The following ZNF445 variants were observed in gnomAD, a reference collection of about 807,000 sequenced individuals.
ZNF445 encodes zinc finger protein 168.
In ZNF445, 19 loss-of-function variants were observed where a neutral mutation model predicts 93.9. That is an observed-to-expected ratio of 0.20 (90% CI 0.14 to 0.30). The LOEUF (loss-of-function observed/expected upper bound fraction) is 0.30, where lower values mean the gene tolerates loss of function less well. Among genes scored for constraint, ZNF445 ranks in the 10% least tolerant of loss-of-function variants. The pLI is 1.00. For missense variants in ZNF445, 1,058 were observed against 1,259.4 expected (o/e 0.84, Z 2.42); for synonymous variants, 449 against 446.3 (o/e 1.01, Z -0.08).
At chr3:44,470,744 T>C (rs1698257353) in intron 1 of ZNF445, among the ~76,000 whole-genome samples, 2 of 152,180 alleles carry the variant, frequency 1.3e-5, no homozygotes, top group Admixed American at 6.5e-5. Flanking sequence ...ATTACATTTA[T>C]AAACAGCAAA....
Position 44,469,250 on chromosome 3 carries a change from C to T in ZNF445, c.-269+8341G>A, listed in dbSNP as rs149171085. On this transcript the variant is annotated intron_variant, in intron 1 of 7. Coordinates refer to ENST00000396077, the MANE Select transcript of ZNF445 (RefSeq NM_181489.6). ...GAAAAGACACCACCCCCACCAAGCT[C>T]AAGAGGTACAATGTTTACTTATGGA... Among the ~76,000 whole-genome samples the T allele has an allele frequency of 1.3e-3, 204 of 152,220 alleles. 1 individual carries two copies. The highest frequency in any genetic ancestry group is 4.8e-3 in the African/African-American group (199 of 41,552).
chr3:44,457,670 C>G (rs988432996), intron 2 of ZNF445, among the ~76,000 whole-genome samples: 6 of 152,100 alleles, frequency 3.9e-5, no homozygotes, highest in Non-Finnish European at 8.8e-5. Flanking sequence ...ATAAGGAAAA[C>G]TGACCAAAAC....
chr3:44,448,613 T>C lies in ZNF445; in HGVS notation c.1058A>G (p.Glu353Gly). ...TSVSEGIGLR[E>G]SFQQKSRQKD... is the part of the protein sequence containing the mutation. The stretch of plus-strand genomic sequence containing the variant: ...CTGCCTGCTCTTCTGTTGAAAAGAT[T>C]CTCTGAGCCCAATTCCCTCAGAAAC... The change falls in exon 8 of 8, where the codon GAA (glutamate) becomes GGA (glycine). Residue 353 changes from glutamate to glycine, a missense_variant. Coordinates refer to ENST00000396077, the MANE Select transcript of ZNF445 (RefSeq NM_181489.6). The C allele has an allele frequency of 6.2e-7, 1 of 1,614,204 alleles. No homozygotes were observed. The highest frequency in any genetic ancestry group is 1.1e-5 in the South Asian group (1 of 91,092).
chr3:44,473,453 TCACACACACACACACACA>T lies in ZNF445; in HGVS notation c.-269+4120_-269+4137del, dbSNP rs377305681. On this transcript the variant is annotated intron_variant, in intron 1 of 7. Coordinates refer to ENST00000396077, the MANE Select transcript of ZNF445 (RefSeq NM_181489.6). Reference sequence around the variant, plus strand: ...TGGGCAACGAGAGTGAAACTCCACTTCACACACACACACACACACACACACACACACACACACAAAAAA... The same window carrying T: ...TGGGCAACGAGAGTGAAACTCCACTTCACACACACACACACACACAAAAAA... Among the ~76,000 whole-genome samples, 26 of 60,862 alleles carry T rather than the reference TCACACACACACACACACA, an allele frequency of 4.3e-4. 1 individual carries two copies. The Middle Eastern group carries it at 0.03, about 71-fold the overall frequency. The allele number at this position is 60,862 out of a possible 152,430, so 39.9% of individuals were successfully genotyped here. A position where few individuals can be genotyped will look rare whatever the true frequency, so the allele number is the denominator to read the frequency against.
chr3:44,449,744 A>G, intron 6 of ZNF445, 121 bp from the exon 7 acceptor site: 1 of 734,872 alleles, frequency 1.4e-6, no homozygotes, highest in Non-Finnish European at 2.4e-6. Context: ...AGGCAGCAGA[A>G]GCTAGCGAAG....
In ZNF445 at chr3:44,469,360, T is replaced by C. The variant is rs142322495; in HGVS notation, c.-269+8231A>G. Among the ~76,000 whole-genome samples, 27 of 152,342 alleles carry C rather than the reference T, an allele frequency of 1.8e-4. No homozygotes were observed. In the East Asian group the frequency reaches 5.2e-3, roughly 29 times the overall value. On this transcript the variant is annotated intron_variant, in intron 1 of 7. Coordinates refer to ENST00000396077, the MANE Select transcript of ZNF445 (RefSeq NM_181489.6). ...ACCACTCCACAGTCTACACAGGTGG[T>C]GTGTGTATACACGCTTCATATTGCA...
At chr3:44,470,650 G>A (rs1698256091) in intron 1 of ZNF445, among the ~76,000 whole-genome samples, 1 of 152,184 alleles carries the variant, frequency 6.6e-6, no homozygotes, top group Non-Finnish European at 1.5e-5. Flanking sequence ...CACTACCAAA[G>A]TATTTTTAGC....
At chr3:44,450,352 C>G (rs1288687286) in intron 6 of ZNF445, 95 bp downstream of exon 6, 22 of 1,535,066 alleles carry the variant, frequency 1.4e-5, no homozygotes, top group Non-Finnish European at 2.0e-5. Context: ...GAGCCAGGAT[C>G]TAAAACCAGG....
At chr3:44,448,791 T>C in intron 7 of ZNF445, 52 bp from the exon 8 acceptor site, 1 of 1,549,306 alleles carries the variant, frequency 6.5e-7, no homozygotes, top group Non-Finnish European at 8.7e-7. Flanking sequence ...TACTTGGAAC[T>C]GCAGAAAGCA....
At chr3:44,461,137 C>T (rs13322437) in intron 1 of ZNF445, among the ~76,000 whole-genome samples, 109,282 of 152,040 alleles carry the variant, frequency 0.72, 39,836 homozygotes, top group East Asian at 1. Context: ...GTATCCTAGG[C>T]GCTGCCAATG....
In ZNF445 at chr3:44,446,352, TC is replaced by T. The variant is rs1697877085; in HGVS notation, c.*222del. ...GAGGCCACTCCTAGGGGCCGGAGTC[TC>T]CAGAAGGGCTCCAAAGGACATGGTG... is the stretch of plus-strand genomic sequence containing the variant. On this transcript the variant is annotated 3_prime_UTR_variant, in exon 8 of 8. Transcript: ENST00000396077. This position sits in a 1 kb window ranked among gnomAD's most constrained non-coding sequence, Gnocchi z 4.2. 1.6e-6 allele frequency: 1 copy of T among 613,742 alleles called. No homozygotes were observed. The highest frequency in any genetic ancestry group is 3.0e-5 in the East Asian group (1 of 32,978). The allele number at this position is 613,742 out of a possible 1,614,324, so 38.0% of individuals were successfully genotyped here.
chr3:44,459,485 C>T (rs149667680), intron 1 of ZNF445, among the ~76,000 whole-genome samples: 1 of 152,300 alleles, frequency 6.6e-6, no homozygotes, highest in African/African-American at 2.4e-5. Flanking sequence ...CCAAATTCCA[C>T]CATCTCTTCT....
At chr3:44,473,435 C>T (rs896004276) in intron 1 of ZNF445, among the ~76,000 whole-genome samples, 2 of 138,426 alleles carry the variant, frequency 1.4e-5, no homozygotes, top group African/African-American at 5.5e-5. Flanking sequence ...GCCTGGGCAA[C>T]GAGAGTGAAA....
intron 1 of ZNF445, among the ~76,000 whole-genome samples, chr3:44,459,327 C>T (rs1035422150): frequency 6.6e-6 from 1 of 151,932 alleles, no homozygotes; most frequent in Non-Finnish European, 1.5e-5. Context: ...AAATAAAACA[C>T]CCAGAAATAA....
At position 44,448,738 on chromosome 3, in the gene ZNF445, T is replaced by C. The variant is rs1348278734; in HGVS notation, c.933A>G (p.Gly311=). Residue 311 remains glycine (G), a splice_region_variant and synonymous_variant, in exon 8 of 8, where the codon GGA becomes GGG. Coordinates refer to ENST00000396077, the MANE Select transcript of ZNF445 (RefSeq NM_181489.6). The part of the protein sequence containing the change: ...PKGNPVAAPT[G]DDLQSKTNKF... ...TGTTTGTTTTACTCTGGAGGTCATCTCCTGACAAAAAATATAACACAAGAG... is the reference window on the plus strand; with the variant it reads ...TGTTTGTTTTACTCTGGAGGTCATCCCCTGACAAAAAATATAACACAAGAG... The C allele has an allele frequency of 8.7e-6, 14 of 1,606,406 alleles. No homozygotes were observed. The highest frequency in any genetic ancestry group is 1.2e-5 in the Non-Finnish European group (14 of 1,177,824).
intron 1 of ZNF445, among the ~76,000 whole-genome samples, chr3:44,472,245 A>C (rs980499268): frequency 4.6e-5 from 7 of 152,260 alleles, no homozygotes; most frequent in African/African-American, 1.4e-4. Flanking sequence ...CAATCTCAGG[A>C]AATTGACACC....
intron 1 of ZNF445, among the ~76,000 whole-genome samples, chr3:44,471,385 G>A (rs1230393225): frequency 6.6e-6 from 1 of 152,178 alleles, no homozygotes; most frequent in Non-Finnish European, 1.5e-5. Context: ...GAACTGGAGT[G>A]TCTACAAAAA....
In ZNF445 at chr3:44,441,152, ATC is replaced by A. The variant is rs1697805455; in HGVS notation, c.*5421_*5422del. ...CTGGTCTCAATCTCCTGACCTCATA[ATC>A]CGCCCGCCTTGGCCTCCCAAAGTGC... On this transcript the variant is annotated 3_prime_UTR_variant, in exon 8 of 8. Coordinates refer to ENST00000396077, the MANE Select transcript of ZNF445 (RefSeq NM_181489.6). 1.3e-5 allele frequency: 2 copies of A among 152,074 alleles called. No homozygotes were observed. The highest frequency in any genetic ancestry group is 6.6e-5 in the Admixed American group (1 of 15,264). The allele number at this position is 152,074 out of a possible 1,614,324, so 9.4% of individuals were successfully genotyped here.
In ZNF445 at chr3:44,436,849, A is replaced by G. The variant is rs1434857978; in HGVS notation, c.*9726T>C. On this transcript the variant is annotated 3_prime_UTR_variant, in exon 8 of 8. Transcript: ENST00000396077. ...CCACAAATCTCTGCTTAATTATCCC[A>G]TATCGAATAATTCAGCTTGATCTGA... 3.3e-5 allele frequency: 5 copies of G among 152,166 alleles called. No individual in the cohort carries two copies. Among genetic ancestry groups the G allele is most frequent in the African/African-American group, 4.8e-5 (2 of 41,424 alleles). 9.4% of individuals were successfully genotyped at this position (152,166 alleles called of 1,614,324 possible).
Sources: gnomAD v4.1 joint callset for allele counts (sites outside exome capture counted in the v4.1 genomes callset) on GRCh38, gnomAD v4.1.1 for gene constraint, Gnocchi (gnomAD v3.1) non-coding constraint, MANE v1.5 for transcripts, NCBI Gene and HGNC (gene_info 2026-07-23, HGNC 2026-07-21) for gene names.